The following PROK2 variants were observed in gnomAD, a reference collection of about 807,000 sequenced individuals.
The protein encoded by PROK2 is prokineticin-2.
A neutral mutation model predicts 14.2 loss-of-function variants in PROK2; 8 were observed. The ratio of observed to expected loss-of-function variants is 0.56; its 90% CI spans 0.33 to 1.02. PROK2 has a LOEUF of 1.02. Among genes scored for constraint, PROK2 ranks in the 50% least tolerant of loss-of-function variants. The probability of loss-of-function intolerance (pLI) is 0.03; values close to 1 mark genes in which losing one functional copy is unlikely to be tolerated. For synonymous variants in PROK2, 59 were observed against 60.7 expected, an observed-to-expected ratio of 0.97 and a Z score of 0.13; for missense variants, 154 against 160.4, an observed-to-expected ratio of 0.96 and a Z score of 0.22.
intron 2 of PROK2, among the ~76,000 whole-genome samples, chr3:71,776,364 ATTTTTTTTTTTTT>A (rs58407323): frequency 1.3e-5 from 1 of 75,442 alleles, no homozygotes; most frequent in African/African-American, 5.1e-5. Flanking sequence ...TTCGCTTTTC[ATTTTTTTTTTTTT>A]TTTTTTTTTT....
intron 2 of PROK2, among the ~76,000 whole-genome samples, chr3:71,775,602 A>G (rs1369391506): frequency 6.6e-6 from 1 of 152,102 alleles, no homozygotes; most frequent in Non-Finnish European, 1.5e-5. Context: ...TCAGCACCAG[A>G]TTTTTGCTTT....
chr3:71,773,326 C>G (rs540286625), intron 3 of PROK2, among the ~76,000 whole-genome samples: 2 of 152,248 alleles, frequency 1.3e-5, no homozygotes, highest in East Asian at 3.9e-4. Context: ...TTACAAACAC[C>G]TTGTAAAGAT....
At chr3:71,782,211 G>T (rs1296244428) in intron 1 of PROK2, among the ~76,000 whole-genome samples, 1 of 152,294 alleles carries the variant, frequency 6.6e-6, no homozygotes, top group African/African-American at 2.4e-5. Context: ...CTCATAGTTT[G>T]AAAGTGGACA....
chr3:71,772,853 A>T (rs2050091316), intron 3 of PROK2, 25 bp from the exon 4 acceptor site: 18 of 1,596,642 alleles, frequency 1.1e-5, no homozygotes, highest in Non-Finnish European at 1.5e-5. Flanking sequence ...AAACGGAGTC[A>T]GAGCTGGAAA....
At chr3:71,784,276 T>C (rs1052699528) in intron 1 of PROK2, among the ~76,000 whole-genome samples, 1 of 152,238 alleles carries the variant, frequency 6.6e-6, no homozygotes, top group Middle Eastern at 3.2e-3. Context: ...AGTTTAAACA[T>C]CTACACAGCA....
chr3:71,785,020 G>A lies in PROK2; in HGVS notation c.33C>T (p.Leu11=), dbSNP rs1333419956. MRSLCCAPLL[L]LLLLPPLLLT... ...GCAGCAGCGGCGGCAGCAGCAAGAG[G>A]AGCAGGAGTGGGGCGCAGCACAGGC... Residue 11 remains leucine, a synonymous_variant, in exon 1 of 4, where the codon CTC becomes CTT. Transcript: ENST00000295619. The A allele has an allele frequency of 1.8e-5, 23 of 1,246,452 alleles. No homozygotes were observed. Among genetic ancestry groups the A allele is most frequent in the Non-Finnish European group, 2.2e-5 (22 of 992,256 alleles). 77.2% of individuals were successfully genotyped at this position (1,246,452 alleles called of 1,614,324 possible).
At chr3:71,777,497 A>G (rs2050128994) in intron 2 of PROK2, among the ~76,000 whole-genome samples, 1 of 152,158 alleles carries the variant, frequency 6.6e-6, no homozygotes, top group African/African-American at 2.4e-5. Flanking sequence ...AATTTTTTAA[A>G]TATCAAGTTA....
Position 71,772,361 on chromosome 3 carries a change from G to C in PROK2, c.*363C>G. ...GTGTGGCAGGGCACAAATGGGGCTTGGGGTGGTGAGAAAAAAAAAAAAAAG... is the reference window on the plus strand; with the variant it reads ...GTGTGGCAGGGCACAAATGGGGCTTCGGGTGGTGAGAAAAAAAAAAAAAAG... On this transcript the variant is annotated 3_prime_UTR_variant, in exon 4 of 4. Coordinates refer to ENST00000295619, the MANE Select transcript of PROK2 (RefSeq NM_001126128.2). The C allele has an allele frequency of 1.7e-5, 4 of 235,884 alleles. No individual in the cohort carries two copies. The South Asian group carries it at 2.0e-4, about 12-fold the overall frequency. The allele number at this position is 235,884 out of a possible 1,614,324, so 14.6% of individuals were successfully genotyped here.
At chr3:71,780,431 A>T (rs1188579329) in intron 2 of PROK2, among the ~76,000 whole-genome samples, 1 of 152,242 alleles carries the variant, frequency 6.6e-6, no homozygotes, top group Non-Finnish European at 1.5e-5. Flanking sequence ...ATCACATGTG[A>T]AAAAATAAGA....
chr3:71,776,327 T>C (rs2050118030), intron 2 of PROK2, among the ~76,000 whole-genome samples: 1 of 151,682 alleles, frequency 6.6e-6, no homozygotes, highest in East Asian at 1.9e-4. Context: ...TTTCTCTTTC[T>C]TTTCTCTCTT....
intron 1 of PROK2, 51 bp downstream of exon 1, chr3:71,784,906 G>T: frequency 8.3e-7 from 1 of 1,211,646 alleles, no homozygotes; most frequent in Non-Finnish European, 1.0e-6. Context: ...AGCCCCCTGG[G>T]CACATCCCAG....
rs2050087114 is a variant in PROK2, at chr3:71,772,496, A to ATATT, written c.*227_*228insAATA. The ATATT allele has an allele frequency of 2.1e-6, 1 of 476,632 alleles. No individual in the cohort carries two copies. 29.5% of individuals were successfully genotyped at this position (476,632 alleles called of 1,614,324 possible). On this transcript the variant is annotated 3_prime_UTR_variant, in exon 4 of 4. Coordinates refer to ENST00000295619, the MANE Select transcript of PROK2 (RefSeq NM_001126128.2). ...CAAACCAAAACACAAACAGGGAAAT[A>ATATT]AGAACCAGTTCCATAATGCCTTACA...
At chr3:71,776,762 C>T (rs1369704244) in intron 2 of PROK2, among the ~76,000 whole-genome samples, 1 of 152,154 alleles carries the variant, frequency 6.6e-6, no homozygotes, top group Non-Finnish European at 1.5e-5. Flanking sequence ...TCTACAGATA[C>T]TGTGTGACAA....
At chr3:71,776,275 A>C (rs1404783780) in intron 2 of PROK2, among the ~76,000 whole-genome samples, 2 of 149,558 alleles carry the variant, frequency 1.3e-5, no homozygotes, top group Admixed American at 6.7e-5. Flanking sequence ...AACCCAGTTC[A>C]CTCAGTTCTG....
Position 71,779,799 on chromosome 3 carries a change from G to A in PROK2, c.222+1668C>T, listed in dbSNP as rs540955512. On this transcript the variant is annotated intron_variant, in intron 2 of 3. Coordinates refer to ENST00000295619, the MANE Select transcript of PROK2 (RefSeq NM_001126128.2). ...TTTTTAAAAATTTTTCTATAGAGAC[G>A]GGGTCTCACTATGTTGCCCAGGCTG... Among the ~76,000 whole-genome samples, 7 of 152,078 alleles carry A rather than the reference G, an allele frequency of 4.6e-5. No homozygotes were observed. In the South Asian group the frequency reaches 6.2e-4, roughly 14 times the overall value.
chr3:71,781,652 A>T, intron 1 of PROK2, 60 bp from the exon 2 acceptor site: 3 of 1,542,814 alleles, frequency 1.9e-6, no homozygotes, highest in Non-Finnish European at 2.7e-6. Flanking sequence ...GGCTAAGGAA[A>T]CCTAAAATTA....
chr3:71,775,333 A>G (rs1364835979), intron 2 of PROK2, among the ~76,000 whole-genome samples: 2 of 152,222 alleles, frequency 1.3e-5, no homozygotes, highest in Non-Finnish European at 2.9e-5. Context: ...AGTGCCGAGC[A>G]TACAATGATG....
At chr3:71,773,837 G>A (rs1310848970) in intron 3 of PROK2, among the ~76,000 whole-genome samples, 5 of 152,206 alleles carry the variant, frequency 3.3e-5, no homozygotes, top group Non-Finnish European at 7.3e-5. Context: ...CAGCGAGCAT[G>A]GTGGTTGTCT....
intron 2 of PROK2, among the ~76,000 whole-genome samples, chr3:71,777,834 C>T (rs1347955831): frequency 2.0e-5 from 3 of 149,966 alleles, no homozygotes; most frequent in African/African-American, 7.4e-5. Flanking sequence ...TTAATAGAAA[C>T]CTTGTTGTTT....
Sources: gnomAD v4.1 joint callset for allele counts (sites outside exome capture counted in the v4.1 genomes callset) on GRCh38, gnomAD v4.1.1 for gene constraint, MANE v1.5 for transcripts, NCBI Gene and HGNC (gene_info 2026-07-23, HGNC 2026-07-21) for gene names.